SEL1L: variants seen among roughly 807,000 people sequenced by gnomAD.
The protein encoded by SEL1L is SEL1L adaptor subunit of SYVN1 ubiquitin ligase.
In SEL1L, 52 loss-of-function variants were observed where a neutral mutation model predicts 109.8. The ratio of observed to expected loss-of-function variants is 0.47; its 90% CI spans 0.38 to 0.60. The LOEUF is 0.60. SEL1L is among the 20% of genes least tolerant of loss of function. The pLI is 0.00. For missense variants in SEL1L, 749 were observed against 962.2 expected (o/e 0.78, Z 2.93); for synonymous variants, 373 against 339.6 (o/e 1.10, Z -1.08).
chr14:81,515,382 T>G (rs530267263), intron 3 of SEL1L, among the ~76,000 whole-genome samples: 2 of 152,224 alleles, frequency 1.3e-5, no homozygotes, highest in Non-Finnish European at 2.9e-5. Context: ...AACCCTGGCC[T>G]TTAATGAAAA....
intron 3 of SEL1L, among the ~76,000 whole-genome samples, chr14:81,518,338 C>CA (rs1453431968): frequency 2.6e-5 from 4 of 151,238 alleles, no homozygotes; most frequent in Non-Finnish European, 5.9e-5. Context: ...AGACCACGTA[C>CA]AAAAACAAAT....
At chr14:81,483,673 A>T (rs1246461849) in intron 19 of SEL1L, among the ~76,000 whole-genome samples, 1 of 152,218 alleles carries the variant, frequency 6.6e-6, no homozygotes, top group African/African-American at 2.4e-5. Context: ...AATTTTATTT[A>T]AAAATGTTAA....
Position 81,484,461 on chromosome 14 carries a change from T to C in SEL1L, c.1874-64A>G, listed in dbSNP as rs183701048. On this transcript the variant is annotated intron_variant, in intron 18 of 20. Coordinates refer to ENST00000336735, the MANE Select transcript of SEL1L (RefSeq NM_005065.6). ...AGTATGTTTAAAACAGATCAAACTT[T>C]TTTCTCCTCCCATTGACATGCTTAC... is the stretch of plus-strand genomic sequence containing the variant. The C allele has an allele frequency of 1.6e-4, 237 of 1,442,016 alleles. No individual in the cohort carries two copies. The African/African-American group carries it at 2.9e-3, about 17-fold the overall frequency. 89.3% of individuals were successfully genotyped at this position (1,442,016 alleles called of 1,614,324 possible).
At chr14:81,487,784 T>C (rs1595506484) in intron 15 of SEL1L, 71 bp downstream of exon 15, 14 of 1,593,940 alleles carry the variant, frequency 8.8e-6, no homozygotes, top group Middle Eastern at 3.3e-4. Flanking sequence ...TTCCACATCA[T>C]AATGCCATCT....
At chr14:81,527,635 A>G in intron 2 of SEL1L, 66 bp downstream of exon 2, 1 of 1,198,052 alleles carries the variant, frequency 8.3e-7, no homozygotes, top group Non-Finnish European at 1.2e-6. Context: ...TATCCTTTCT[A>G]AGATACATAA....
chr14:81,497,835 C>A, intron 10 of SEL1L, 57 bp downstream of exon 10: 1 of 1,518,296 alleles, frequency 6.6e-7, no homozygotes, highest in Non-Finnish European at 8.9e-7. Flanking sequence ...TCCCGTCCCC[C>A]ACAGATTAAA....
At chr14:81,507,844 G>T (rs1884304215) in intron 3 of SEL1L, among the ~76,000 whole-genome samples, 1 of 152,106 alleles carries the variant, frequency 6.6e-6, no homozygotes, top group South Asian at 2.1e-4. Context: ...AATTTAATTG[G>T]GTAGCAGAGC....
chr14:81,496,240 C>T (rs1359244008), intron 10 of SEL1L, among the ~76,000 whole-genome samples: 1 of 152,052 alleles, frequency 6.6e-6, no homozygotes, highest in Non-Finnish European at 1.5e-5. Context: ...AGGAGAATGG[C>T]ATGAACCTGG....
chr14:81,523,093 T>C (rs1318543203), intron 3 of SEL1L, among the ~76,000 whole-genome samples: 2 of 152,096 alleles, frequency 1.3e-5, no homozygotes, highest in South Asian at 2.1e-4. Context: ...CTGAAATCTC[T>C]TGAGTGATAA....
At chr14:81,512,809 G>A (rs547895680) in intron 3 of SEL1L, among the ~76,000 whole-genome samples, 1 of 152,316 alleles carries the variant, frequency 6.6e-6, no homozygotes, top group South Asian at 2.1e-4. Flanking sequence ...TTCTCCTTAT[G>A]ATGGCGTTTT....
intron 14 of SEL1L, among the ~76,000 whole-genome samples, chr14:81,488,321 C>T (rs943401514): frequency 1.3e-5 from 2 of 152,096 alleles, no homozygotes; most frequent in East Asian, 1.9e-4. Context: ...TCATTTATTC[C>T]GTGTACCTTA....
intron 14 of SEL1L, among the ~76,000 whole-genome samples, chr14:81,488,294 GA>G (rs1340843650): frequency 3.3e-5 from 5 of 152,056 alleles, no homozygotes; most frequent in Non-Finnish European, 5.9e-5. Flanking sequence ...ATTAAAGAAA[GA>G]AAATTATCTC....
intron 6 of SEL1L, among the ~76,000 whole-genome samples, chr14:81,500,621 T>A (rs1269577446): frequency 1.3e-5 from 2 of 152,204 alleles, no homozygotes; most frequent in Non-Finnish European, 2.9e-5. Flanking sequence ...CATGTAAACA[T>A]GACTTTATCT....
intron 3 of SEL1L, among the ~76,000 whole-genome samples, chr14:81,518,847 T>C (rs1884805595): frequency 6.6e-6 from 1 of 152,102 alleles, no homozygotes; most frequent in South Asian, 2.1e-4. Context: ...TGGGTCTTAT[T>C]GGTAACTCTG....
At chr14:81,502,472 A>C (rs1884054810) in intron 6 of SEL1L, among the ~76,000 whole-genome samples, 1 of 152,238 alleles carries the variant, frequency 6.6e-6, no homozygotes, top group South Asian at 2.1e-4. Context: ...CATTCTCTAC[A>C]GATCTAATTT....
chr14:81,506,280 C>T, intron 3 of SEL1L, 39 bp from the exon 4 acceptor site: 5 of 1,508,782 alleles, frequency 3.3e-6, no homozygotes, highest in Non-Finnish European at 4.4e-6. Context: ...CATGAAACAA[C>T]ACCTCTGGTA....
chr14:81,492,474 C>A lies in SEL1L; in HGVS notation c.1254+6G>T. 6.2e-7 allele frequency: 1 copy of A among 1,605,050 alleles called. No homozygotes were observed. Among genetic ancestry groups the A allele is most frequent in the Non-Finnish European group, 8.5e-7 (1 of 1,172,338 alleles). On this transcript the variant is annotated splice_donor_region_variant and intron_variant, in intron 12 of 20. Transcript: ENST00000336735. ...TTACATAAAACATTCACAGGATGTA[C>A]AGTACCTTTCCCAAAAAGGCCATGG...
In SEL1L at chr14:81,479,648, G is replaced by A. The variant is rs765245803; in HGVS notation, c.2139C>T (p.Gly713=). Residue 713 remains glycine, a synonymous_variant, in exon 20 of 21, where the codon GGC becomes GGT. Transcript: ENST00000336735. ...VPVFLALCKL[G]VVYFLQYIRE... ...GTATGTACTGCAAGAAATAGACGAC[G>A]CCCAATTTGCAGAGGGCTAGGAAGA... is the stretch of plus-strand genomic sequence containing the variant. 4.3e-6 allele frequency: 7 copies of A among 1,613,500 alleles called. No individual in the cohort carries two copies. The highest frequency in any genetic ancestry group is 4.0e-5 in the African/African-American group (3 of 74,898).
intron 3 of SEL1L, among the ~76,000 whole-genome samples, chr14:81,518,595 G>T (rs912507168): frequency 2.0e-5 from 3 of 148,488 alleles, no homozygotes; most frequent in Non-Finnish European, 3.0e-5. Flanking sequence ...AGGAGGCGAA[G>T]GTTGCAGTGA....
Sources: allele counts gnomAD v4.1 joint callset (sites outside exome capture counted in the v4.1 genomes callset), GRCh38; gene constraint gnomAD v4.1.1; transcripts MANE v1.5; gene names NCBI Gene and HGNC (gene_info 2026-07-23, HGNC 2026-07-21).